Variants in FRMPD4 observed in about 807,000 individuals in gnomAD.
FRMPD4 encodes FERM and PDZ domain-containing protein 4.
A neutral mutation model predicts 94.1 loss-of-function variants in FRMPD4; 22 were observed. The ratio of observed to expected loss-of-function variants is 0.23; its 90% CI spans 0.17 to 0.33. The LOEUF (loss-of-function observed/expected upper bound fraction) is 0.33, where lower values mean the gene tolerates loss of function less well. Ranked by LOEUF, FRMPD4 falls within the 10% of genes least tolerant of loss-of-function variation. FRMPD4 has a pLI of 1.00. For missense variants in FRMPD4, 1,111 were observed against 1,339.9 expected (o/e 0.83, Z 2.67); for synonymous variants, 631 against 548.6 (o/e 1.15, Z -2.10).
intron 3 of FRMPD4, among the ~76,000 whole-genome samples, chrX:12,017,896 G>A (rs1214764768): frequency 9.0e-6 from 1 of 111,706 alleles, no homozygotes; most frequent in Non-Finnish European, 1.9e-5. Flanking sequence ...TATTTGAGAA[G>A]TAATTATTGA....
At chrX:12,592,355 G>A (rs1212664433) in intron 2 of FRMPD4, among the ~76,000 whole-genome samples, 3 of 111,853 alleles carry the variant, frequency 2.7e-5, no homozygotes, top group African/African-American at 9.7e-5. Context: ...ATACATTTAT[G>A]TTTTTCTCTT....
intron 2 of FRMPD4, among the ~76,000 whole-genome samples, chrX:12,574,655 G>A (rs776548128): frequency 3.6e-5 from 4 of 110,405 alleles, no homozygotes; most frequent in Admixed American, 9.6e-5. Flanking sequence ...ATGCCACCAC[G>A]CCTGAATAAT....
intron 2 of FRMPD4, among the ~76,000 whole-genome samples, chrX:12,546,939 C>T (rs2058483661): frequency 1.0e-5 from 1 of 96,182 alleles, no homozygotes; most frequent in African/African-American, 3.9e-5. Flanking sequence ...ATCACTTGAT[C>T]CCAGGAGGCT....
chrX:11,840,881 CT>C lies in FRMPD4; in HGVS notation c.-161+18167del, dbSNP rs1329098899. The stretch of plus-strand genomic sequence containing the variant: ...TTAGCATTACGTATATCTCCTAAAG[CT>C]ATCCCGCCCCCCTCCCCCCACCCTA... On this transcript the variant is annotated intron_variant, in intron 1 of 18. Coordinates refer to the FRMPD4 transcript ENST00000640291. Among the ~76,000 whole-genome samples, 206 of 98,093 alleles carry C rather than the reference CT, an allele frequency of 2.1e-3. 1 individual carries two copies. The highest frequency in any genetic ancestry group is 3.7e-3 in the Non-Finnish European group (178 of 48,484). 85.2% of individuals were successfully genotyped at this position (98,093 alleles called of 115,157 possible).
intron 1 of FRMPD4, among the ~76,000 whole-genome samples, chrX:12,405,458 T>G (rs1455536324): frequency 9.0e-6 from 1 of 111,062 alleles, no homozygotes. Context: ...AGGCATTCCA[T>G]GCATAACAAT....
chrX:12,310,338 G>C (rs1601805493), intron 1 of FRMPD4, among the ~76,000 whole-genome samples: 1 of 110,960 alleles, frequency 9.0e-6, no homozygotes, highest in Non-Finnish European at 1.9e-5. Flanking sequence ...CACTTCTTTT[G>C]TGGTGGAATG....
intron 2 of FRMPD4, among the ~76,000 whole-genome samples, chrX:12,518,747 AG>A (rs2058129306): frequency 9.0e-6 from 1 of 111,606 alleles, no homozygotes; most frequent in Non-Finnish European, 1.9e-5. Context: ...CAAATTGGAA[AG>A]GAAGAGCTAA....
chrX:12,183,653 G>T lies in FRMPD4; in HGVS notation c.41+44641G>T, dbSNP rs1220983045. On this transcript the variant is annotated intron_variant, in intron 1 of 16. Transcript: ENST00000675598. The stretch of plus-strand genomic sequence containing the variant: ...AGTTTACAGATTTGTGCTTAGCTTT[G>T]GTTACTTTTGAAGATTTTATATATA... Among the ~76,000 whole-genome samples the T allele has an allele frequency of 3.6e-5, 4 of 111,172 alleles. No individual in the cohort carries two copies. The South Asian group carries it at 1.5e-3, about 42-fold the overall frequency.
intron 3 of FRMPD4, among the ~76,000 whole-genome samples, chrX:12,076,451 A>G (rs1159941957): frequency 3.6e-5 from 4 of 110,434 alleles, no homozygotes; most frequent in Non-Finnish European, 3.8e-5. Flanking sequence ...CTTGAGACAG[A>G]AATCTTACCT....
chrX:12,125,583 T>C lies in FRMPD4; in HGVS notation c.95+247565T>C, dbSNP rs1002925048. Among the ~76,000 whole-genome samples the C allele has an allele frequency of 2.0e-4, 22 of 110,554 alleles. No individual in the cohort carries two copies. In the Admixed American group the frequency reaches 2.1e-3, roughly 11 times the overall value. ...ATCTGGAGCCTTCTTGGCAAGCACATTGGGGTCAGGTGGGTAGAGGCTGTC... is the reference window on the plus strand; with the variant it reads ...ATCTGGAGCCTTCTTGGCAAGCACACTGGGGTCAGGTGGGTAGAGGCTGTC... On this transcript the variant is annotated intron_variant, in intron 3 of 18. Coordinates refer to the FRMPD4 transcript ENST00000640291.
At chrX:12,448,319 C>A (rs1338169768) in intron 1 of FRMPD4, among the ~76,000 whole-genome samples, 1 of 111,676 alleles carries the variant, frequency 9.0e-6, no homozygotes, top group Non-Finnish European at 1.9e-5. Context: ...TTCATGTTAT[C>A]GGACAATAAG....
chrX:12,411,274 T>C (rs2056729097), intron 1 of FRMPD4, among the ~76,000 whole-genome samples: 1 of 112,183 alleles, frequency 8.9e-6, no homozygotes. Flanking sequence ...TTTTCCTGTC[T>C]TAGGTCCCGA....
chrX:12,422,129 T>C (rs2056891741), intron 1 of FRMPD4, among the ~76,000 whole-genome samples: 2 of 112,267 alleles, frequency 1.8e-5, no homozygotes, highest in Non-Finnish European at 3.8e-5. Flanking sequence ...CTTTGGGGCG[T>C]GCTTCTTTTG....
chrX:12,613,223 G>A (rs1413800989), intron 3 of FRMPD4, among the ~76,000 whole-genome samples: 4 of 112,086 alleles, frequency 3.6e-5, no homozygotes, highest in Non-Finnish European at 7.5e-5. Flanking sequence ...TCAGGTAATT[G>A]TTTTTATATC....
At chrX:11,912,548 T>C (rs760400104) in intron 3 of FRMPD4, among the ~76,000 whole-genome samples, 4 of 111,831 alleles carry the variant, frequency 3.6e-5, no homozygotes, top group Non-Finnish European at 5.6e-5. Flanking sequence ...GATAAGCTAG[T>C]GAACTTATCT....
intron 3 of FRMPD4, among the ~76,000 whole-genome samples, chrX:12,115,761 C>G (rs2055403530): frequency 9.0e-6 from 1 of 110,538 alleles, no homozygotes; most frequent in Non-Finnish European, 1.9e-5. Flanking sequence ...AGTGTCTTCT[C>G]CTCCCCATGG....
rs878895681 is a variant in FRMPD4 at position 11,845,837 on chromosome X, C to T, written c.-160-19249C>T. Among the ~76,000 whole-genome samples the T allele has an allele frequency of 2.9e-3, 304 of 106,234 alleles. 3 individuals carry two copies. The highest frequency in any genetic ancestry group is 9.3e-3 in the African/African-American group (274 of 29,587). The allele number at this position is 106,234 out of a possible 115,157, so 92.3% of individuals were successfully genotyped here. A position where few individuals can be genotyped will look rare whatever the true frequency, so the allele number is the denominator to read the frequency against. The stretch of plus-strand genomic sequence containing the variant: ...TTTGACAAAATTCAACAACCCTTCA[C>T]GCTAAAAACTCTCAATAAATTAGGT... On this transcript the variant is annotated intron_variant, in intron 1 of 18. Coordinates refer to the FRMPD4 transcript ENST00000640291.
intron 4 of FRMPD4, among the ~76,000 whole-genome samples, chrX:12,616,366 C>T (rs2059235976): frequency 8.9e-6 from 1 of 112,153 alleles, no homozygotes; most frequent in Non-Finnish European, 1.9e-5. Context: ...TCACTGCCTC[C>T]AGAACTGTGA....
intron 5 of FRMPD4, among the ~76,000 whole-genome samples, chrX:12,680,605 A>C (rs1421122210): frequency 8.9e-6 from 1 of 112,310 alleles, no homozygotes; most frequent in Non-Finnish European, 1.9e-5. Flanking sequence ...CAGAACAAAA[A>C]AAGTACTTGT....
Sources: allele counts gnomAD v4.1 joint callset (sites outside exome capture counted in the v4.1 genomes callset), GRCh38; gene constraint gnomAD v4.1.1; transcripts MANE v1.5; gene names NCBI Gene and HGNC (gene_info 2026-07-23, HGNC 2026-07-21).